The following LRP1B variants were observed in gnomAD, a reference collection of about 807,000 sequenced individuals.
The protein encoded by LRP1B is low-density lipoprotein receptor-related protein 1B.
LRP1B carries 217 observed loss-of-function variants against 556.6 expected under a neutral mutation model. The observed-to-expected ratio is 0.39, with a 90% CI of 0.35 to 0.44. The LOEUF (loss-of-function observed/expected upper bound fraction) is 0.44, where lower values mean the gene tolerates loss of function less well. Among genes scored for constraint, LRP1B ranks in the 20% least tolerant of loss-of-function variants. The pLI is 1.00. For missense variants in LRP1B, 5,053 were observed against 5,620.8 expected (o/e 0.90, Z 3.23); for synonymous variants, 2,047 against 1,865.8 (o/e 1.10, Z -2.50).
chr2:140,965,235 T>G (rs1696168277), intron 18 of LRP1B, among the ~76,000 whole-genome samples: 1 of 152,226 alleles, frequency 6.6e-6, no homozygotes, highest in Non-Finnish European at 1.5e-5. Context: ...TGTGACTTTC[T>G]TTAGAAATAG....
intron 67 of LRP1B, among the ~76,000 whole-genome samples, chr2:140,382,868 C>A (rs1219748526): frequency 3.3e-5 from 5 of 152,080 alleles, no homozygotes. Flanking sequence ...AGTGGTGGTG[C>A]CATAAATTAT....
intron 35 of LRP1B, among the ~76,000 whole-genome samples, chr2:140,721,977 A>C (rs1687419803): frequency 6.6e-6 from 1 of 152,068 alleles, no homozygotes; most frequent in African/African-American, 2.4e-5. Context: ...CTTGATCAAG[A>C]TATAGATCAC....
chr2:140,968,444 T>C (rs1193740669), intron 18 of LRP1B, among the ~76,000 whole-genome samples: 1 of 152,092 alleles, frequency 6.6e-6, no homozygotes, highest in African/African-American at 2.4e-5. Context: ...TTGCTAGTGG[T>C]CTATCAATTT....
intron 3 of LRP1B, among the ~76,000 whole-genome samples, chr2:141,270,768 G>A (rs1398828021): frequency 1.3e-5 from 2 of 151,994 alleles, no homozygotes; most frequent in East Asian, 3.9e-4. Context: ...AATGGTGGGT[G>A]CCAGAGGGTA....
chr2:140,497,201 A>G lies in LRP1B; in HGVS notation c.8851-1453T>C, dbSNP rs143526958. Among the ~76,000 whole-genome samples the G allele has an allele frequency of 3.1e-3, 478 of 152,028 alleles. 4 individuals carry two copies. The highest frequency in any genetic ancestry group is 4.9e-3 in the Non-Finnish European group (333 of 67,904). ...TTGGCACTTTCATGTTTAACATTTG[A>G]CACCAGCAATTTATCTAATAATGCT... is the stretch of plus-strand genomic sequence containing the variant. On this transcript the variant is annotated intron_variant, in intron 55 of 90. Coordinates refer to ENST00000389484, the MANE Select transcript of LRP1B (RefSeq NM_018557.3).
chr2:140,275,094 A>T (rs1682615434), intron 84 of LRP1B, among the ~76,000 whole-genome samples: 1 of 151,976 alleles, frequency 6.6e-6, no homozygotes, highest in Non-Finnish European at 1.5e-5. Context: ...AAACTTTCTC[A>T]TTAATGCAGA....
chr2:140,765,462 C>G (rs1443935507), intron 35 of LRP1B, among the ~76,000 whole-genome samples: 1 of 152,026 alleles, frequency 6.6e-6, no homozygotes, highest in Non-Finnish European at 1.5e-5. Flanking sequence ...GGCTTTTCTC[C>G]TAACTAAAAT....
chr2:141,207,832 C>A (rs79729062), intron 6 of LRP1B, among the ~76,000 whole-genome samples: 1 of 152,162 alleles, frequency 6.6e-6, no homozygotes, highest in South Asian at 2.1e-4. Flanking sequence ...CCCGCCACCA[C>A]GCCTGGCTTA....
At chr2:141,000,642 G>A (rs1336104214) in intron 15 of LRP1B, among the ~76,000 whole-genome samples, 2 of 151,964 alleles carry the variant, frequency 1.3e-5, no homozygotes, top group African/African-American at 4.8e-5. Context: ...CTTTAAACTC[G>A]CAGAGGACTG....
chr2:140,313,426 A>C (rs1483315865), intron 83 of LRP1B, among the ~76,000 whole-genome samples: 5 of 151,928 alleles, frequency 3.3e-5, no homozygotes, highest in African/African-American at 1.2e-4. Flanking sequence ...ACAACTCAGG[A>C]TGCATCAAGA....
At chr2:141,730,797 A>G (rs1239678595) in intron 2 of LRP1B, among the ~76,000 whole-genome samples, 3 of 152,174 alleles carry the variant, frequency 2.0e-5, no homozygotes, top group African/African-American at 7.2e-5. Flanking sequence ...CCTGTGATCT[A>G]AGCTGAAATC....
intron 7 of LRP1B, among the ~76,000 whole-genome samples, chr2:141,183,265 A>C (rs958650381): frequency 1.3e-5 from 2 of 151,926 alleles, no homozygotes; most frequent in African/African-American, 2.4e-5. Flanking sequence ...CCTGCTAACT[A>C]CTCCAAAGAT....
intron 3 of LRP1B, among the ~76,000 whole-genome samples, chr2:141,431,439 C>T (rs957874386): frequency 6.6e-6 from 1 of 152,146 alleles, no homozygotes; most frequent in East Asian, 1.9e-4. Flanking sequence ...TGCCAACAAC[C>T]TGAACGATCT....
intron 1 of LRP1B, among the ~76,000 whole-genome samples, chr2:141,938,292 A>C (rs772904566): frequency 1.3e-5 from 2 of 152,200 alleles, no homozygotes; most frequent in Non-Finnish European, 2.9e-5. Flanking sequence ...TGATTAGAAA[A>C]GGATCTGAAT....
chr2:141,104,274 AAAT>A (rs1039744302), intron 7 of LRP1B, among the ~76,000 whole-genome samples: 2 of 152,042 alleles, frequency 1.3e-5, no homozygotes, highest in African/African-American at 2.4e-5. Context: ...TTTGAATTTA[AAAT>A]AATAGTAACA....
intron 14 of LRP1B, among the ~76,000 whole-genome samples, chr2:141,010,672 C>T: frequency 6.6e-6 from 1 of 151,640 alleles, no homozygotes; most frequent in East Asian, 2.0e-4. Flanking sequence ...CTGCCACCAC[C>T]CCTGGCTAAT....
rs77429527 is a variant in LRP1B, at chr2:140,535,623, T to C, written c.7642+958A>G. ...GTTTCAGATGTAGATTCCTAAATTTTGCATAGTACACGATCCCAATGCTAT... is the reference window on the plus strand; with the variant it reads ...GTTTCAGATGTAGATTCCTAAATTTCGCATAGTACACGATCCCAATGCTAT... On this transcript the variant is annotated intron_variant, in intron 46 of 90. Coordinates refer to ENST00000389484, the MANE Select transcript of LRP1B (RefSeq NM_018557.3). Among the ~76,000 whole-genome samples the C allele has an allele frequency of 5.8e-3, 881 of 152,244 alleles. 8 individuals carry two copies. The highest frequency in any genetic ancestry group is 0.034 in the East Asian group (177 of 5,174).
intron 1 of LRP1B, among the ~76,000 whole-genome samples, chr2:142,032,019 C>T (rs1405856204): frequency 6.6e-6 from 1 of 151,892 alleles, no homozygotes; most frequent in African/African-American, 2.4e-5. Flanking sequence ...TCCCTAGCCC[C>T]TTCTGAGGGA....
intron 1 of LRP1B, among the ~76,000 whole-genome samples, chr2:141,916,138 G>A (rs1700025198): frequency 6.6e-6 from 1 of 152,112 alleles, no homozygotes; most frequent in African/African-American, 2.4e-5. Context: ...GTTCACTGCA[G>A]CACTATTAAC....
Sources: allele counts gnomAD v4.1 joint callset (sites outside exome capture counted in the v4.1 genomes callset), GRCh38; gene constraint gnomAD v4.1.1; transcripts MANE v1.5; gene names NCBI Gene and HGNC (gene_info 2026-07-23, HGNC 2026-07-21).